Variants in PITPNA observed in about 807,000 individuals in gnomAD.
PITPNA encodes the protein phosphatidylinositol transfer protein alpha, also known as phosphatidylinositol transfer protein alpha isoform.
Under a neutral mutation model 50.3 loss-of-function variants are expected in PITPNA, and 13 were observed. The ratio of observed to expected loss-of-function variants is 0.26; its 90% CI spans 0.17 to 0.41. PITPNA has a LOEUF of 0.41. Ranked by LOEUF, PITPNA falls within the 10% of genes least tolerant of loss-of-function variation. The pLI is 1.00. For missense variants in PITPNA, 207 were observed against 333.4 expected (o/e 0.62, Z 2.95); for synonymous variants, 120 against 119.6 (o/e 1.00, Z -0.02).
chr17:1,538,685 ATT>A (rs1283511999), intron 7 of PITPNA, 182 bp downstream of exon 7: 1 of 520,868 alleles, frequency 1.9e-6, no homozygotes, highest in African/African-American at 1.9e-5. Context: ...TGGGCCACTA[ATT>A]TTCTGGTGGC....
At chr17:1,542,894 C>A (rs1254601223) in intron 5 of PITPNA, 126 bp downstream of exon 5, 3 of 701,312 alleles carry the variant, frequency 4.3e-6, no homozygotes, top group Non-Finnish European at 4.9e-6. Flanking sequence ...ACTGACAGGA[C>A]TGAGCCTCAG....
intron 2 of PITPNA, among the ~76,000 whole-genome samples, chr17:1,555,307 T>A (rs973868116): frequency 6.6e-6 from 1 of 152,182 alleles, no homozygotes; most frequent in African/African-American, 2.4e-5. Flanking sequence ...GATCCTTTAA[T>A]CCCAATGAGA....
intron 2 of PITPNA, among the ~76,000 whole-genome samples, chr17:1,556,583 A>G (rs1598414348): frequency 6.6e-6 from 1 of 152,110 alleles, no homozygotes; most frequent in Non-Finnish European, 1.5e-5. Context: ...CCTTCGTTCC[A>G]TCAAGAAACT....
chr17:1,560,508 T>C (rs937223816), intron 1 of PITPNA, among the ~76,000 whole-genome samples: 1 of 152,172 alleles, frequency 6.6e-6, no homozygotes, highest in African/African-American at 2.4e-5. Flanking sequence ...CCTTGGACTT[T>C]TCCCTTGCAG....
chr17:1,548,952 A>T (rs1455565298), intron 3 of PITPNA, among the ~76,000 whole-genome samples: 3 of 152,078 alleles, frequency 2.0e-5, no homozygotes, highest in Non-Finnish European at 2.9e-5. Context: ...CCCAGGCTGG[A>T]GTGCAGTGCT....
Position 1,558,516 on chromosome 17 carries a change from TA to T in PITPNA, c.51+12del. 1 of 1,580,552 alleles carries T rather than the reference TA, an allele frequency of 6.3e-7. No homozygotes were observed. The highest frequency in any genetic ancestry group is 8.7e-7 in the Non-Finnish European group (1 of 1,150,682). On this transcript the variant is annotated intron_variant, in intron 2 of 11. Coordinates refer to ENST00000313486, the MANE Select transcript of PITPNA (RefSeq NM_006224.4). Reference sequence around the variant, plus strand: ...TTACACACAACTATGGACCAGAAAGTAAAAGGACTTACCTCATCTACAGACA... The same window carrying T: ...TTACACACAACTATGGACCAGAAAGTAAAGGACTTACCTCATCTACAGACA...
chr17:1,534,012 G>T, intron 10 of PITPNA, 87 bp downstream of exon 10: 2 of 1,469,818 alleles, frequency 1.4e-6, no homozygotes, highest in Non-Finnish European at 1.9e-6. Context: ...ACTACAGGAT[G>T]GTGCTCTCGG....
intron 7 of PITPNA, among the ~76,000 whole-genome samples, chr17:1,537,074 T>A (rs897816872): frequency 6.8e-6 from 1 of 147,948 alleles, no homozygotes; most frequent in East Asian, 2.0e-4. Flanking sequence ...AATTTTGTAT[T>A]TTTTTTTTTT....
chr17:1,561,779 C>T (rs953998782), intron 1 of PITPNA, among the ~76,000 whole-genome samples: 2 of 152,148 alleles, frequency 1.3e-5, no homozygotes, highest in African/African-American at 2.4e-5. Context: ...GCCCTGACTT[C>T]CTAGTCCTCC....
At chr17:1,556,901 G>A (rs2075737623) in intron 2 of PITPNA, among the ~76,000 whole-genome samples, 1 of 152,048 alleles carries the variant, frequency 6.6e-6, no homozygotes, top group Non-Finnish European at 1.5e-5. Flanking sequence ...CAAGACCAGC[G>A]TGGACAACAG....
chr17:1,539,500 C>T (rs116204044), intron 6 of PITPNA, among the ~76,000 whole-genome samples: 6,266 of 150,532 alleles, frequency 0.042, 484 homozygotes, highest in African/African-American at 0.15. Flanking sequence ...TCTCAGTCTC[C>T]TGCCTGGGCC....
chr17:1,561,863 C>A (rs1464044280), intron 1 of PITPNA, among the ~76,000 whole-genome samples: 1 of 152,184 alleles, frequency 6.6e-6, no homozygotes, highest in Non-Finnish European at 1.5e-5. Context: ...ATCCCAACTC[C>A]ATCGCGGAGC....
Position 1,519,285 on chromosome 17 carries a change from T to TTG in PITPNA, c.*1275_*1276insCA. ...TTCACAAGGTTTGGGGAATGTCAGGTGACACTACAGCTCTCTCTCATTCTC... is the reference window on the plus strand; with the variant it reads ...TTCACAAGGTTTGGGGAATGTCAGGTTGGACACTACAGCTCTCTCTCATTCTC... On this transcript the variant is annotated 3_prime_UTR_variant, in exon 12 of 12. Coordinates refer to ENST00000313486, the MANE Select transcript of PITPNA (RefSeq NM_006224.4). The TTG allele has an allele frequency of 6.6e-6, 1 of 152,376 alleles. No homozygotes were observed. The highest frequency in any genetic ancestry group is 2.1e-4 in the South Asian group (1 of 4,822). 9.4% of individuals were successfully genotyped at this position (152,376 alleles called of 1,614,324 possible).
rs532329253 is a variant in PITPNA at position 1,534,025 on chromosome 17, A to G, written c.768+74T>C. On this transcript the variant is annotated intron_variant, in intron 10 of 11. Coordinates refer to ENST00000313486, the MANE Select transcript of PITPNA (RefSeq NM_006224.4). ...GAACTACAGGATGGTGCTCTCGGTG[A>G]AGCGCCCCAGCAAAACAGTCTCCTT... The G allele has an allele frequency of 1.3e-5, 20 of 1,540,006 alleles. No individual in the cohort carries two copies. The East Asian group carries it at 4.6e-4, about 35-fold the overall frequency.
chr17:1,524,671 C>T (rs1243222217), intron 10 of PITPNA, among the ~76,000 whole-genome samples: 3 of 151,974 alleles, frequency 2.0e-5, no homozygotes, highest in Non-Finnish European at 1.5e-5. Flanking sequence ...CATGGTGAAA[C>T]CCCATCTCTA....
chr17:1,529,578 G>C (rs2075568973), intron 10 of PITPNA, among the ~76,000 whole-genome samples: 1 of 151,482 alleles, frequency 6.6e-6, no homozygotes, highest in African/African-American at 2.4e-5. Flanking sequence ...TTCTTGGCTG[G>C]GCACAGTGGC....
At chr17:1,533,180 G>A (rs1319249508) in intron 10 of PITPNA, among the ~76,000 whole-genome samples, 1 of 152,240 alleles carries the variant, frequency 6.6e-6, no homozygotes, top group African/African-American at 2.4e-5. Flanking sequence ...TTATGAAACA[G>A]AGCTTCCTGC....
chr17:1,525,504 C>CTTTTTTTTTTTT (rs11329480), intron 10 of PITPNA, among the ~76,000 whole-genome samples: 1 of 101,718 alleles, frequency 9.8e-6, no homozygotes, highest in African/African-American at 3.9e-5. Flanking sequence ...CACTGGGAAA[C>CTTTTTTTTTTTT]TTTTTTTTTT....
Position 1,553,084 on chromosome 17 carries a change from G to A in PITPNA, c.117C>T (p.Gly39=), listed in dbSNP as rs764923544. 81 of 1,613,638 alleles carry A rather than the reference G, an allele frequency of 5.0e-5. No homozygotes were observed. Among genetic ancestry groups the A allele is most frequent in the Non-Finnish European group, 6.1e-5 (72 of 1,179,772 alleles). Residue 39 remains glycine, a synonymous_variant, in exon 3 of 12, where the codon GGC becomes GGT. Transcript: ENST00000313486. ...ASKNETGGGE[G]VEVLVNEPYE... ...AGGGCTCATTCACCAGGACCTCCAC[G>A]CCTTCGCCACCACCCGTTTCATTTT... is the stretch of plus-strand genomic sequence containing the variant.
Sources: allele counts gnomAD v4.1 joint callset (sites outside exome capture counted in the v4.1 genomes callset), GRCh38; gene constraint gnomAD v4.1.1; transcripts MANE v1.5; gene names NCBI Gene and HGNC (gene_info 2026-07-23, HGNC 2026-07-21).